Variants in LRP1B observed in about 807,000 individuals in gnomAD.
LRP1B encodes the protein low-density lipoprotein receptor-related protein 1B.
LRP1B carries 217 observed loss-of-function variants against 556.6 expected under a neutral mutation model. That is an observed-to-expected ratio of 0.39 (90% confidence interval 0.35 to 0.44). The LOEUF (loss-of-function observed/expected upper bound fraction) is 0.44, where lower values mean the gene tolerates loss of function less well. Among genes scored for constraint, LRP1B ranks in the 20% least tolerant of loss-of-function variants. LRP1B has a pLI of 1.00. For synonymous variants in LRP1B, 2,047 were observed against 1,865.8 expected, an observed-to-expected ratio of 1.10 and a Z score of -2.50; for missense variants, 5,053 against 5,620.8, an observed-to-expected ratio of 0.90 and a Z score of 3.23.
intron 60 of LRP1B, among the ~76,000 whole-genome samples, chr2:140,458,471 A>G (rs1485566245): frequency 6.6e-6 from 1 of 152,114 alleles, no homozygotes; most frequent in Admixed American, 6.6e-5. Flanking sequence ...AAACTGTGAT[A>G]GAGTTTTCTT....
intron 31 of LRP1B, among the ~76,000 whole-genome samples, chr2:140,827,220 A>C (rs1691540268): frequency 6.6e-6 from 1 of 152,152 alleles, no homozygotes; most frequent in African/African-American, 2.4e-5. Context: ...ACATACATCC[A>C]TAAGAAACTA....
intron 86 of LRP1B, chr2:140,269,226 A>G (rs778076505): frequency 1.5e-5 from 7 of 468,586 alleles, no homozygotes; most frequent in Non-Finnish European, 2.7e-5. Context: ...GCCTGAAATG[A>G]TGTCACACGA....
chr2:141,757,593 C>G (rs1261875358), intron 2 of LRP1B, among the ~76,000 whole-genome samples: 2 of 152,176 alleles, frequency 1.3e-5, no homozygotes, highest in Non-Finnish European at 1.5e-5. Flanking sequence ...TGCTCTGTCA[C>G]CCAGGATGGA....
chr2:140,536,279 A>G (rs1283975134), intron 46 of LRP1B, among the ~76,000 whole-genome samples: 1 of 133,120 alleles, frequency 7.5e-6, no homozygotes, highest in African/African-American at 2.8e-5. Flanking sequence ...GTTTGAGACC[A>G]GTCTGGGCAA....
intron 60 of LRP1B, among the ~76,000 whole-genome samples, chr2:140,461,205 T>A (rs1462304929): frequency 1.3e-5 from 2 of 152,188 alleles, no homozygotes; most frequent in Non-Finnish European, 2.9e-5. Context: ...TTAGTTAGCA[T>A]TTATCATGCT....
chr2:140,559,741 C>A (rs1680862204), intron 43 of LRP1B, among the ~76,000 whole-genome samples: 2 of 144,384 alleles, frequency 1.4e-5, no homozygotes, highest in African/African-American at 5.2e-5. Flanking sequence ...TCCATGATTC[C>A]ACACTGACAT....
intron 41 of LRP1B, among the ~76,000 whole-genome samples, chr2:140,650,171 T>TA (rs1574192225): frequency 6.6e-6 from 1 of 151,890 alleles, no homozygotes; most frequent in East Asian, 1.9e-4. Context: ...TTAAAAAAAT[T>TA]TAATTTCTAG....
chr2:141,063,859 G>T (rs1009478996), intron 7 of LRP1B, among the ~76,000 whole-genome samples: 2 of 151,880 alleles, frequency 1.3e-5, no homozygotes, highest in Admixed American at 6.6e-5. Context: ...AGGAGTTGGT[G>T]TGCAGGTGGT....
intron 11 of LRP1B, among the ~76,000 whole-genome samples, chr2:141,038,042 C>T (rs1206658911): frequency 6.6e-6 from 1 of 151,830 alleles, no homozygotes; most frequent in Non-Finnish European, 1.5e-5. Flanking sequence ...ACCACTGTTA[C>T]CTCTTCCAAT....
intron 3 of LRP1B, among the ~76,000 whole-genome samples, chr2:141,263,870 A>T (rs1240973400): frequency 1.3e-5 from 2 of 152,168 alleles, no homozygotes; most frequent in African/African-American, 4.8e-5. Context: ...CAGTACAGTA[A>T]GGGAAAAAAA....
At chr2:141,976,339 A>T (rs914301955) in intron 1 of LRP1B, among the ~76,000 whole-genome samples, 2 of 152,228 alleles carry the variant, frequency 1.3e-5, no homozygotes, top group Non-Finnish European at 2.9e-5. Flanking sequence ...GCTAAATTAC[A>T]TAAATTTCTT....
intron 1 of LRP1B, among the ~76,000 whole-genome samples, chr2:142,062,683 A>G (rs1055663523): frequency 6.6e-6 from 1 of 151,896 alleles, no homozygotes; most frequent in African/African-American, 2.4e-5. Flanking sequence ...GAATAAAACA[A>G]GTTTCTTGAT....
chr2:141,653,588 T>C (rs1487312683), intron 2 of LRP1B, among the ~76,000 whole-genome samples: 1 of 152,216 alleles, frequency 6.6e-6, no homozygotes, highest in Non-Finnish European at 1.5e-5. Flanking sequence ...TATTCTAGTA[T>C]ACAGGTGTTG....
At chr2:140,841,950 A>C (rs577755908) in intron 29 of LRP1B, among the ~76,000 whole-genome samples, 1 of 152,284 alleles carries the variant, frequency 6.6e-6, no homozygotes, top group Non-Finnish European at 1.5e-5. Context: ...GTTTTACTTT[A>C]AAAAATTTTA....
intron 7 of LRP1B, among the ~76,000 whole-genome samples, chr2:141,119,489 C>T (rs191817590): frequency 6.8e-4 from 103 of 151,758 alleles, no homozygotes; most frequent in African/African-American, 2.3e-3. Flanking sequence ...CAATTTCACA[C>T]TCACTTGGGA....
At chr2:141,929,141 A>G (rs1700417695) in intron 1 of LRP1B, among the ~76,000 whole-genome samples, 2 of 152,106 alleles carry the variant, frequency 1.3e-5, no homozygotes, top group African/African-American at 4.8e-5. Context: ...AGGTAAGGAT[A>G]AACTATTTTT....
chr2:141,070,050 G>A (rs12473292), intron 7 of LRP1B, among the ~76,000 whole-genome samples: 71,620 of 147,446 alleles, frequency 0.49, 18,329 homozygotes, highest in Non-Finnish European at 0.58. Flanking sequence ...GAGAATATGC[G>A]GTGTTTGGTT....
At chr2:141,292,992 T>G (rs1283275912) in intron 3 of LRP1B, among the ~76,000 whole-genome samples, 1 of 152,126 alleles carries the variant, frequency 6.6e-6, no homozygotes, top group Admixed American at 6.5e-5. Context: ...GGGAATGGAA[T>G]ATATGGATAT....
chr2:140,900,708 G>C (rs1034548304), intron 23 of LRP1B, among the ~76,000 whole-genome samples: 3 of 151,962 alleles, frequency 2.0e-5, no homozygotes, highest in African/African-American at 4.8e-5. Flanking sequence ...TTCAAAGTTT[G>C]TATTATTTTA....
Sources: gnomAD v4.1 joint callset for allele counts (sites outside exome capture counted in the v4.1 genomes callset) on GRCh38, gnomAD v4.1.1 for gene constraint, MANE v1.5 for transcripts, NCBI Gene and HGNC (gene_info 2026-07-23, HGNC 2026-07-21) for gene names.